LHX4: variants seen among roughly 807,000 people sequenced by gnomAD.
The protein encoded by LHX4 is LIM/homeobox protein Lhx4.
LHX4 carries 16 observed loss-of-function variants against 39.2 expected under a neutral mutation model. That is an observed-to-expected ratio of 0.41 (90% CI 0.28 to 0.62). The LOEUF is 0.62. Ranked by LOEUF, LHX4 falls within the 20% of genes least tolerant of loss-of-function variation. LHX4 has a pLI of 0.33. For synonymous variants in LHX4, 206 were observed against 198.1 expected (o/e 1.04, Z -0.33); for missense variants, 439 against 511.9 (o/e 0.86, Z 1.37).
In LHX4 at chr1:180,234,910, G is replaced by T. The variant is rs1390351750; in HGVS notation, c.76+4305G>T. Among the ~76,000 whole-genome samples, 1 of 152,212 alleles carries T rather than the reference G, an allele frequency of 6.6e-6. No homozygotes were observed. Among genetic ancestry groups the T allele is most frequent in the Non-Finnish European group, 1.5e-5 (1 of 68,034 alleles). On this transcript the variant is annotated intron_variant, in intron 1 of 5. Transcript: ENST00000263726. The surrounding 1 kb of genome is among the most constrained non-coding windows in gnomAD (Gnocchi z 4.8). ...GGGGCAGGGCTCCTCCGCCCCGCGG[G>T]CAGATGCCGGCCTGGGTGGCCCGGG...
chr1:180,254,030 C>T lies in LHX4; in HGVS notation c.248+5574C>T, dbSNP rs535675518. Among the ~76,000 whole-genome samples the T allele has an allele frequency of 1.1e-3, 171 of 152,288 alleles. 1 individual carries two copies. Among genetic ancestry groups the T allele is most frequent in the Non-Finnish European group, 1.7e-3 (117 of 68,012 alleles). ...AACAAACAGAGCTGTGGAATTGAAG[C>T]GAGGGCAACGTTCCTACACGTTTGT... On this transcript the variant is annotated intron_variant, in intron 2 of 5. Coordinates refer to ENST00000263726, the MANE Select transcript of LHX4 (RefSeq NM_033343.4).
intron 2 of LHX4, among the ~76,000 whole-genome samples, chr1:180,250,426 T>C (rs1014263252): frequency 1.3e-5 from 2 of 151,864 alleles, no homozygotes; most frequent in South Asian, 4.2e-4. Context: ...AAGCGGCAGG[T>C]GGCAGGGCCT....
chr1:180,266,351 T>G lies in LHX4; in HGVS notation c.249-41T>G. On this transcript the variant is annotated intron_variant, in intron 2 of 5. Transcript: ENST00000263726. The surrounding 1 kb of genome is among the most constrained non-coding windows in gnomAD (Gnocchi z 5.7). Reference sequence around the variant, plus strand: ...GGAAGTTGGGGGAAGCCAGATCCCTTGCTCCCTGTGTGCCCTAATCCTTTC... The same window carrying G: ...GGAAGTTGGGGGAAGCCAGATCCCTGGCTCCCTGTGTGCCCTAATCCTTTC... 6.2e-7 allele frequency: 1 copy of G among 1,604,978 alleles called. No individual in the cohort carries two copies. Among genetic ancestry groups the G allele is most frequent in the Non-Finnish European group, 8.5e-7 (1 of 1,172,538 alleles).
In LHX4 at chr1:180,238,332, T is replaced by G. The variant is rs528887774; in HGVS notation, c.76+7727T>G. On this transcript the variant is annotated intron_variant, in intron 1 of 5. Transcript: ENST00000263726. ...AAAGCAAGTGAAGGGAAAGGACAGCTTCAGGTGTGATCATTTCTGATGTAA... is the reference window on the plus strand; with the variant it reads ...AAAGCAAGTGAAGGGAAAGGACAGCGTCAGGTGTGATCATTTCTGATGTAA... Among the ~76,000 whole-genome samples the G allele has an allele frequency of 1.1e-4, 16 of 152,316 alleles. 1 individual carries two copies. In the South Asian group the frequency reaches 3.1e-3, roughly 30 times the overall value.
Position 180,259,473 on chromosome 1 carries a change from T to C in LHX4, c.249-6919T>C, listed in dbSNP as rs2149260791. Among the ~76,000 whole-genome samples the C allele has an allele frequency of 1.3e-5, 2 of 151,824 alleles. 1 individual carries two copies. Among genetic ancestry groups the C allele is most frequent in the African/African-American group, 4.9e-5 (2 of 41,192 alleles). ...TCACCTGTGGGTGGCAGGCAGGGGC[T>C]GGGGCCCCGGGTGTGCGAGTGGAAG... is the stretch of plus-strand genomic sequence containing the variant. On this transcript the variant is annotated intron_variant, in intron 2 of 5. Transcript: ENST00000263726.
rs1664147395 is a variant in LHX4, at chr1:180,230,376, T to C, written c.-154T>C. On this transcript the variant is annotated 5_prime_UTR_variant, in exon 1 of 6. Coordinates refer to ENST00000263726, the MANE Select transcript of LHX4 (RefSeq NM_033343.4). This position sits in a 1 kb window ranked among gnomAD's most constrained non-coding sequence, Gnocchi z 5.8. ...CGGGGGGAGGGGGCCGGCCAGCCTG[T>C]GGAGTCCTCCCTGAGAAGCGGAGGG... is the stretch of plus-strand genomic sequence containing the variant. 1.5e-6 allele frequency: 1 copy of C among 685,616 alleles called. No individual in the cohort carries two copies. Among genetic ancestry groups the C allele is most frequent in the South Asian group, 1.6e-5 (1 of 62,116 alleles). The allele number at this position is 685,616 out of a possible 1,614,324, so 42.5% of individuals were successfully genotyped here. A position where few individuals can be genotyped will look rare whatever the true frequency, so the allele number is the denominator to read the frequency against.
chr1:180,258,298 G>A (rs1310864850), intron 2 of LHX4, among the ~76,000 whole-genome samples: 1 of 152,218 alleles, frequency 6.6e-6, no homozygotes, highest in East Asian at 1.9e-4. Flanking sequence ...TGGGGGGAGA[G>A]CGTGCCAGCA....
In LHX4 at chr1:180,274,263, T is replaced by C. The variant is rs780757244; in HGVS notation, c.857T>C (p.Met286Thr). 7 of 1,614,242 alleles carry C rather than the reference T, an allele frequency of 4.3e-6. No homozygotes were observed. Among genetic ancestry groups the C allele is most frequent in the Non-Finnish European group, 5.9e-6 (7 of 1,180,042 alleles). ...GGGGACGTTACAGGCGGACAGTTAA[T>C]GAATGGGAGCTTCTCCATGGACGGG... The part of the protein sequence containing the change: ...NVGDVTGGQL[M>T]NGSFSMDGTG... The change falls in exon 6 of 6, where the codon ATG (methionine) becomes ACG (threonine). Residue 286 changes from methionine to threonine, a missense_variant. Physicochemically the swap from Met to Thr is moderately conservative, Grantham distance 81. Coordinates refer to ENST00000263726, the MANE Select transcript of LHX4 (RefSeq NM_033343.4).
intron 2 of LHX4, among the ~76,000 whole-genome samples, chr1:180,263,781 C>G (rs1166908930): frequency 6.6e-6 from 1 of 152,142 alleles, no homozygotes; most frequent in Admixed American, 6.5e-5. Context: ...CTGAAAGCCC[C>G]CTGCCTGCTT....
intron 1 of LHX4, among the ~76,000 whole-genome samples, chr1:180,242,158 C>T (rs562135297): frequency 5.9e-5 from 9 of 152,318 alleles, no homozygotes; most frequent in East Asian, 1.9e-4. Flanking sequence ...CTCCCTCATT[C>T]GGCTAAGCCT....
intron 2 of LHX4, among the ~76,000 whole-genome samples, chr1:180,259,848 TG>T (rs1054053836): frequency 6.6e-6 from 1 of 151,458 alleles, no homozygotes; most frequent in Non-Finnish European, 1.5e-5. Flanking sequence ...GTCAGTGCCC[TG>T]GGGAGCTGGA....
intron 2 of LHX4, among the ~76,000 whole-genome samples, chr1:180,262,281 G>GAAAAAAAA (rs34979970): frequency 1.5e-5 from 2 of 132,562 alleles, no homozygotes; most frequent in Non-Finnish European, 3.2e-5. Flanking sequence ...ACTTTGAAAG[G>GAAAAAAAA]AAAAAAAAAA....
chr1:180,274,479 G>C lies in LHX4; in HGVS notation c.1073G>C (p.Gly358Ala). 1.9e-6 allele frequency: 3 copies of C among 1,613,998 alleles called. No individual in the cohort carries two copies. The South Asian group carries it at 3.3e-5, about 18-fold the overall frequency. Residue 358 changes from glycine (G) to alanine (A), a missense_variant, in exon 6 of 6, where the codon GGA becomes GCA. Physicochemically the swap from Gly to Ala is moderately conservative, Grantham distance 60. Transcript: ENST00000263726. ...CAGACGCTGAGAGCCATGGCTGGGGGACCCACCTCTGACATCTCCACAGGA... is the reference window on the plus strand; with the variant it reads ...CAGACGCTGAGAGCCATGGCTGGGGCACCCACCTCTGACATCTCCACAGGA... ...VSQTLRAMAG[G>A]PTSDISTGSS...
chr1:180,255,546 C>T (rs144431003), intron 2 of LHX4, among the ~76,000 whole-genome samples: 29 of 152,310 alleles, frequency 1.9e-4, no homozygotes, highest in African/African-American at 5.5e-4. Flanking sequence ...TTTAAGGTAA[C>T]GATCAGATGG....
At chr1:180,243,570 A>G (rs79014264) in intron 1 of LHX4, among the ~76,000 whole-genome samples, 2,424 of 152,248 alleles carry the variant, frequency 0.016, 65 homozygotes, top group African/African-American at 0.055. Context: ...AATAGGGGCC[A>G]TGTTGCCTGG....
rs145617835 is a variant in LHX4 at position 180,274,001 on chromosome 1, C to G, written c.779-184C>G. On this transcript the variant is annotated intron_variant, in intron 5 of 5. Transcript: ENST00000263726. ...CTTTGCAGGTGTTTCTTGTTTTTCT[C>G]CTTGGCCTGGGTTGGCCTCTGGATA... 7.4e-5 allele frequency: 48 copies of G among 652,300 alleles called. No individual in the cohort carries two copies. In the African/African-American group the frequency reaches 7.8e-4, roughly 11 times the overall value. 40.4% of individuals were successfully genotyped at this position (652,300 alleles called of 1,614,324 possible).
rs892960011 is a variant in LHX4 at position 180,266,778 on chromosome 1, C to T, written c.451+184C>T. ...AGTAAATGCTGAACACCTCCCCGGC[C>T]GTTAGCACTCGCCGGCTTCATGGAA... On this transcript the variant is annotated intron_variant, in intron 3 of 5. Transcript: ENST00000263726. The surrounding 1 kb of genome is among the most constrained non-coding windows in gnomAD (Gnocchi z 5.7). Among the ~76,000 whole-genome samples, 4 of 152,214 alleles carry T rather than the reference C, an allele frequency of 2.6e-5. No individual in the cohort carries two copies. The highest frequency in any genetic ancestry group is 1.9e-4 in the East Asian group (1 of 5,200).
In LHX4 at chr1:180,274,939, C is replaced by G. The variant is rs1180164323; in HGVS notation, c.*360C>G. On this transcript the variant is annotated 3_prime_UTR_variant, in exon 6 of 6. Coordinates refer to ENST00000263726, the MANE Select transcript of LHX4 (RefSeq NM_033343.4). The stretch of plus-strand genomic sequence containing the variant: ...CCCCTTGGCCTTTGGGAACTTTGCT[C>G]CAACTGGTGTGTCTCACACAATGCC... 4.8e-6 allele frequency: 1 copy of G among 206,234 alleles called. No homozygotes were observed. The highest frequency in any genetic ancestry group is 1.1e-4 in the East Asian group (1 of 9,178). The allele number at this position is 206,234 out of a possible 1,614,324, so 12.8% of individuals were successfully genotyped here.
At chr1:180,253,810 C>T (rs896392314) in intron 2 of LHX4, among the ~76,000 whole-genome samples, 1 of 152,202 alleles carries the variant, frequency 6.6e-6, no homozygotes, top group Non-Finnish European at 1.5e-5. Context: ...TCCCTCAGGG[C>T]GGGGCCTGCG....
Sources: gnomAD v4.1 joint callset for allele counts (sites outside exome capture counted in the v4.1 genomes callset) on GRCh38, gnomAD v4.1.1 for gene constraint, Gnocchi (gnomAD v3.1) non-coding constraint, MANE v1.5 for transcripts, NCBI Gene and HGNC (gene_info 2026-07-23, HGNC 2026-07-21) for gene names.